Variants in CLSTN2 observed in about 807,000 individuals in gnomAD.
CLSTN2 encodes the protein calsyntenin 2.
In CLSTN2, 48 loss-of-function variants were observed where a neutral mutation model predicts 101.2. The observed-to-expected ratio is 0.47, with a 90% CI of 0.38 to 0.60. The LOEUF is 0.60. CLSTN2 is among the 20% of genes least tolerant of loss of function. CLSTN2 has a pLI of 0.00. For missense variants in CLSTN2, 1,160 were observed against 1,238.2 expected (o/e 0.94, Z 0.95); for synonymous variants, 481 against 463.6 (o/e 1.04, Z -0.48).
chr3:140,429,342 C>T (rs541650806), intron 5 of CLSTN2, among the ~76,000 whole-genome samples: 6 of 152,034 alleles, frequency 3.9e-5, no homozygotes, highest in South Asian at 2.1e-4. Flanking sequence ...CTGGAGGGAC[C>T]GTGGGAAGAC....
chr3:140,017,914 C>T lies in CLSTN2; in HGVS notation c.109+82431C>T, dbSNP rs1023117928. The stretch of plus-strand genomic sequence containing the variant: ...TCATCCTGAAGTATTTATGAGCACT[C>T]GGCCTATGCCAGAGATTATTTTTCC... On this transcript the variant is annotated intron_variant, in intron 1 of 16. Coordinates refer to ENST00000458420, the MANE Select transcript of CLSTN2 (RefSeq NM_022131.3). Among the ~76,000 whole-genome samples the T allele has an allele frequency of 1.2e-4, 19 of 152,300 alleles. 1 individual carries two copies. The East Asian group carries it at 1.9e-3, about 15-fold the overall frequency.
At chr3:139,983,246 T>C (rs1935964211) in intron 1 of CLSTN2, among the ~76,000 whole-genome samples, 1 of 152,014 alleles carries the variant, frequency 6.6e-6, no homozygotes, top group South Asian at 2.1e-4. Flanking sequence ...TAATTTCCAC[T>C]CTTGTGGAAA....
At chr3:140,336,027 G>A (rs1001394155) in intron 2 of CLSTN2, among the ~76,000 whole-genome samples, 2 of 152,154 alleles carry the variant, frequency 1.3e-5, no homozygotes, top group Admixed American at 1.3e-4. Flanking sequence ...GTAGTGTCAT[G>A]GTTGGGGCTT....
At chr3:140,002,890 T>C (rs529826583) in intron 1 of CLSTN2, among the ~76,000 whole-genome samples, 1 of 152,370 alleles carries the variant, frequency 6.6e-6, no homozygotes, top group South Asian at 2.1e-4. Flanking sequence ...TGGATTTGTT[T>C]CTGGGTTCTC....
At chr3:140,230,920 C>A (rs1478573655) in intron 2 of CLSTN2, among the ~76,000 whole-genome samples, 2 of 152,156 alleles carry the variant, frequency 1.3e-5, no homozygotes, top group South Asian at 2.1e-4. Flanking sequence ...GGGCAAAGAA[C>A]CTTGTAGGCT....
chr3:140,023,137 C>T (rs758394868), intron 1 of CLSTN2, among the ~76,000 whole-genome samples: 64 of 152,166 alleles, frequency 4.2e-4, no homozygotes, highest in Non-Finnish European at 7.3e-4. Context: ...GTTCGTTTCA[C>T]TGATCTCACC....
intron 8 of CLSTN2, among the ~76,000 whole-genome samples, chr3:140,468,222 G>A (rs1277483692): frequency 6.6e-6 from 1 of 152,090 alleles, no homozygotes; most frequent in Non-Finnish European, 1.5e-5. Flanking sequence ...GGCTTTTATG[G>A]GATGTTTTAA....
At chr3:140,307,222 C>T (rs1380830514) in intron 2 of CLSTN2, among the ~76,000 whole-genome samples, 1 of 152,136 alleles carries the variant, frequency 6.6e-6, no homozygotes, top group African/African-American at 2.4e-5. Context: ...TTGTAAATTG[C>T]CCACTCGGGT....
intron 6 of CLSTN2, among the ~76,000 whole-genome samples, chr3:140,451,057 A>C (rs1386853976): frequency 6.6e-6 from 1 of 152,198 alleles, no homozygotes; most frequent in East Asian, 1.9e-4. Context: ...ATGACATCTT[A>C]CTTTGAAGGA....
intron 1 of CLSTN2, among the ~76,000 whole-genome samples, chr3:140,171,606 TGC>T (rs1326851396): frequency 1.8e-4 from 25 of 136,000 alleles, no homozygotes; most frequent in Non-Finnish European, 2.9e-4. Context: ...CTGTATAATG[TGC>T]ATTATATATT....
chr3:140,496,489 T>G (rs1030688750), intron 8 of CLSTN2, among the ~76,000 whole-genome samples: 1 of 152,194 alleles, frequency 6.6e-6, no homozygotes, highest in Admixed American at 6.5e-5. Flanking sequence ...GGGCCAAACT[T>G]CCAATACAAT....
chr3:140,356,017 T>G (rs184697431), intron 2 of CLSTN2, among the ~76,000 whole-genome samples: 1 of 152,346 alleles, frequency 6.6e-6, no homozygotes, highest in Admixed American at 6.5e-5. Flanking sequence ...GCATCACCAC[T>G]TCCTTCCAGA....
At chr3:139,964,483 C>A (rs1472132233) in intron 1 of CLSTN2, among the ~76,000 whole-genome samples, 1 of 152,112 alleles carries the variant, frequency 6.6e-6, no homozygotes, top group East Asian at 1.9e-4. Context: ...GTAGAGGTGA[C>A]ACACAAACTT....
chr3:140,102,552 G>C (rs1229743918), intron 1 of CLSTN2, among the ~76,000 whole-genome samples: 5 of 152,182 alleles, frequency 3.3e-5, no homozygotes, highest in African/African-American at 4.8e-5. Flanking sequence ...GGGTTGCCTG[G>C]CAAGATTTCC....
chr3:140,422,867 TTGAA>T (rs895231058), intron 5 of CLSTN2, among the ~76,000 whole-genome samples: 20 of 152,184 alleles, frequency 1.3e-4, no homozygotes, highest in African/African-American at 3.9e-4. Flanking sequence ...GAAATAGTCA[TTGAA>T]TGAATGAATG....
chr3:140,228,002 C>T (rs568232878), intron 2 of CLSTN2, among the ~76,000 whole-genome samples: 9 of 152,222 alleles, frequency 5.9e-5, no homozygotes, highest in African/African-American at 2.2e-4. Flanking sequence ...CTCTGACATG[C>T]CCTGGAGACA....
intron 5 of CLSTN2, among the ~76,000 whole-genome samples, chr3:140,425,918 T>G (rs1455611818): frequency 6.6e-6 from 1 of 152,136 alleles, no homozygotes; most frequent in Non-Finnish European, 1.5e-5. Flanking sequence ...CAGACCTGTG[T>G]GAGTGGAAGG....
At chr3:140,559,004 G>T in intron 12 of CLSTN2, 147 bp downstream of exon 12, 2 of 641,618 alleles carry the variant, frequency 3.1e-6, no homozygotes, top group Non-Finnish European at 5.4e-6. Context: ...TAGCAAAACA[G>T]ACAAAGCAAT....
chr3:140,480,668 G>A (rs1000690209), intron 8 of CLSTN2, among the ~76,000 whole-genome samples: 2 of 152,152 alleles, frequency 1.3e-5, no homozygotes, highest in Non-Finnish European at 2.9e-5. Context: ...TCTCACTGAG[G>A]TTTTGATTTG....
Sources: gnomAD v4.1 joint callset for allele counts (sites outside exome capture counted in the v4.1 genomes callset) on GRCh38, gnomAD v4.1.1 for gene constraint, MANE v1.5 for transcripts, NCBI Gene and HGNC (gene_info 2026-07-23, HGNC 2026-07-21) for gene names.